CSMD1: variants seen among roughly 807,000 people sequenced by gnomAD.
CSMD1 encodes CUB and sushi domain-containing protein 1.
CSMD1 carries 213 observed loss-of-function variants against 417.5 expected under a neutral mutation model. That is an observed-to-expected ratio of 0.51 (90% CI 0.46 to 0.57). The LOEUF (loss-of-function observed/expected upper bound fraction) is 0.57, where lower values mean the gene tolerates loss of function less well. Among genes scored for constraint, CSMD1 ranks in the 20% least tolerant of loss-of-function variants. The pLI is 0.00. For missense variants in CSMD1, 6,923 were observed against 4,529.7 expected, an observed-to-expected ratio of 1.53 and a Z score of -15.17; for synonymous variants, 2,862 against 1,736.8, an observed-to-expected ratio of 1.65 and a Z score of -16.11.
At chr8:4,961,218 A>G (rs994284463) in intron 1 of CSMD1, among the ~76,000 whole-genome samples, 1 of 152,170 alleles carries the variant, frequency 6.6e-6, no homozygotes, top group African/African-American at 2.4e-5. Context: ...GTAACTAGTG[A>G]TATTTTCCCT....
At chr8:3,799,749 C>T (rs922740) in intron 5 of CSMD1, among the ~76,000 whole-genome samples, 50,253 of 151,662 alleles carry the variant, frequency 0.33, 8,478 homozygotes, top group Middle Eastern at 0.39. Flanking sequence ...ATAAGCTGTA[C>T]AAAACTTTAC....
At chr8:4,962,666 T>G (rs1201423043) in intron 1 of CSMD1, among the ~76,000 whole-genome samples, 1 of 152,176 alleles carries the variant, frequency 6.6e-6, no homozygotes, top group Non-Finnish European at 1.5e-5. Context: ...TGAAGAATAC[T>G]GCAGTCTCTT....
At chr8:2,966,838 A>T in intron 57 of CSMD1, 92 bp from the exon 58 acceptor site, 2 of 1,151,784 alleles carry the variant, frequency 1.7e-6, no homozygotes, top group Non-Finnish European at 2.5e-6. Context: ...AGTGCAATAG[A>T]CTACACATTT....
intron 3 of CSMD1, among the ~76,000 whole-genome samples, chr8:4,373,694 A>T (rs1053148195): frequency 1.3e-5 from 2 of 152,224 alleles, no homozygotes; most frequent in African/African-American, 4.8e-5. Context: ...ATTTAATTAG[A>T]AGGAAACATT....
intron 1 of CSMD1, among the ~76,000 whole-genome samples, chr8:4,647,510 GTGT>G (rs1803611057): frequency 6.6e-6 from 1 of 150,692 alleles, no homozygotes; most frequent in African/African-American, 2.5e-5. Flanking sequence ...GTAGGTACGC[GTGT>G]GCCATGGTTG....
At chr8:4,177,041 G>T (rs925962608) in intron 3 of CSMD1, among the ~76,000 whole-genome samples, 1 of 152,020 alleles carries the variant, frequency 6.6e-6, no homozygotes, top group Non-Finnish European at 1.5e-5. Context: ...AGTCAACAAG[G>T]ATATCCAGGA....
chr8:3,485,957 C>T (rs980928471), intron 11 of CSMD1, among the ~76,000 whole-genome samples: 6 of 152,038 alleles, frequency 3.9e-5, no homozygotes, highest in Admixed American at 2.6e-4. Context: ...AAGATCCCTT[C>T]GTATTAACAC....
chr8:3,607,063 G>C (rs896064223), intron 8 of CSMD1, among the ~76,000 whole-genome samples: 1 of 152,134 alleles, frequency 6.6e-6, no homozygotes, highest in Non-Finnish European at 1.5e-5. Context: ...CTCAGTTTAA[G>C]ACACAAACAC....
At chr8:4,671,953 C>A (rs1478969136) in intron 1 of CSMD1, among the ~76,000 whole-genome samples, 2 of 152,196 alleles carry the variant, frequency 1.3e-5, no homozygotes, top group Admixed American at 1.3e-4. Flanking sequence ...GGAGCAGCAC[C>A]TCGCCGAGGT....
chr8:3,758,685 A>G (rs1168877036), intron 5 of CSMD1, among the ~76,000 whole-genome samples: 1 of 152,224 alleles, frequency 6.6e-6, no homozygotes, highest in East Asian at 1.9e-4. Context: ...AAAGAATTCA[A>G]CTGAATGGCT....
intron 15 of CSMD1, among the ~76,000 whole-genome samples, chr8:3,403,860 T>C (rs1218850157): frequency 1.3e-5 from 2 of 152,202 alleles, no homozygotes; most frequent in East Asian, 3.8e-4. Context: ...TTATTAACAT[T>C]TTGTACAGCA....
At chr8:3,312,030 G>A (rs976677915) in intron 23 of CSMD1, among the ~76,000 whole-genome samples, 4 of 152,070 alleles carry the variant, frequency 2.6e-5, no homozygotes, top group Admixed American at 6.5e-5. Flanking sequence ...AGTTTAAGAA[G>A]AAACATTTTC....
intron 11 of CSMD1, among the ~76,000 whole-genome samples, chr8:3,486,635 C>T (rs1168935140): frequency 6.6e-6 from 1 of 152,236 alleles, no homozygotes; most frequent in Non-Finnish European, 1.5e-5. Flanking sequence ...CCCAGATTAG[C>T]TGAAATGGAG....
chr8:3,115,204 C>T (rs79240299), intron 42 of CSMD1, among the ~76,000 whole-genome samples: 2 of 139,848 alleles, frequency 1.4e-5, no homozygotes, highest in African/African-American at 2.6e-5. Context: ...TCCCCCCCCC[C>T]CCTTTTTTTT....
intron 37 of CSMD1, among the ~76,000 whole-genome samples, chr8:3,167,681 G>C (rs898039609): frequency 1.3e-5 from 2 of 152,152 alleles, no homozygotes; most frequent in African/African-American, 2.4e-5. Context: ...GCCTATGAAA[G>C]CAAAGAATCT....
At chr8:4,425,858 G>C (rs771915468) in intron 2 of CSMD1, among the ~76,000 whole-genome samples, 1 of 151,960 alleles carries the variant, frequency 6.6e-6, no homozygotes, top group African/African-American at 2.4e-5. Flanking sequence ...CAACGTTACT[G>C]ATAAACTTTG....
intron 5 of CSMD1, among the ~76,000 whole-genome samples, chr8:3,790,201 G>A (rs894425629): frequency 1.3e-5 from 2 of 152,168 alleles, no homozygotes; most frequent in Non-Finnish European, 2.9e-5. Flanking sequence ...TGCATCTAGT[G>A]AATCAGTGCT....
chr8:3,759,295 T>C (rs538636823), intron 5 of CSMD1, among the ~76,000 whole-genome samples: 22 of 152,310 alleles, frequency 1.4e-4, no homozygotes, highest in Admixed American at 1.4e-3. Flanking sequence ...CAGAATGATC[T>C]AGAATGATCC....
chr8:4,555,121 G>C (rs1798031597), intron 2 of CSMD1, among the ~76,000 whole-genome samples: 1 of 152,180 alleles, frequency 6.6e-6, no homozygotes, highest in Admixed American at 6.5e-5. Context: ...CTTTTTGAAA[G>C]GTTTCAATCG....
Sources: allele counts gnomAD v4.1 joint callset (sites outside exome capture counted in the v4.1 genomes callset), GRCh38; gene constraint gnomAD v4.1.1; transcripts MANE v1.5; gene names NCBI Gene and HGNC (gene_info 2026-07-23, HGNC 2026-07-21).